GNAQ: variants seen among roughly 807,000 people sequenced by gnomAD.
The protein encoded by GNAQ is guanine nucleotide-binding protein G(q) subunit alpha.
In GNAQ, 8 loss-of-function variants were observed where a neutral mutation model predicts 43.9. The observed-to-expected ratio is 0.18, with a 90% CI of 0.11 to 0.33. The LOEUF is 0.33. GNAQ is among the 10% of genes least tolerant of loss of function. The pLI is 1.00. For synonymous variants in GNAQ, 155 were observed against 170.7 expected, an observed-to-expected ratio of 0.91 and a Z score of 0.71; for missense variants, 158 against 450.8, an observed-to-expected ratio of 0.35 and a Z score of 5.88.
At chr9:77,919,047 G>A (rs1828957911) in intron 2 of GNAQ, among the ~76,000 whole-genome samples, 1 of 152,118 alleles carries the variant, frequency 6.6e-6, no homozygotes, top group African/African-American at 2.4e-5. Flanking sequence ...AGCCTCCCAA[G>A]TAGCTGGGAT....
At chr9:77,906,389 C>T (rs1828709116) in intron 2 of GNAQ, among the ~76,000 whole-genome samples, 1 of 152,150 alleles carries the variant, frequency 6.6e-6, no homozygotes, top group South Asian at 2.1e-4. Context: ...AGTTCAGATG[C>T]CACACAGTAA....
intron 1 of GNAQ, among the ~76,000 whole-genome samples, chr9:77,991,569 ATC>A (rs1003085893): frequency 6.6e-6 from 1 of 152,030 alleles, no homozygotes; most frequent in Non-Finnish European, 1.5e-5. Context: ...CTTCTTAAAA[ATC>A]TTTTTTTAAT....
chr9:77,748,021 GA>G (rs1206788960), intron 5 of GNAQ, among the ~76,000 whole-genome samples: 1 of 152,184 alleles, frequency 6.6e-6, no homozygotes, highest in Non-Finnish European at 1.5e-5. Flanking sequence ...GTGGCATAGA[GA>G]GGGGTGGTCA....
chr9:77,994,064 T>G (rs1408456676), intron 1 of GNAQ, among the ~76,000 whole-genome samples: 4 of 152,202 alleles, frequency 2.6e-5, no homozygotes, highest in Middle Eastern at 3.2e-3. Context: ...TTGCCCAGGC[T>G]GGAGTGTAGT....
At chr9:77,759,836 T>C (rs1330205077) in intron 5 of GNAQ, among the ~76,000 whole-genome samples, 1 of 152,100 alleles carries the variant, frequency 6.6e-6, no homozygotes, top group African/African-American at 2.4e-5. Flanking sequence ...ATCACTGGAG[T>C]AGACTACAGT....
chr9:77,935,344 C>A (rs1454443676), intron 1 of GNAQ, among the ~76,000 whole-genome samples: 2 of 152,228 alleles, frequency 1.3e-5, no homozygotes, highest in African/African-American at 4.8e-5. Context: ...AGCAAGGACT[C>A]TTGAAAGTAT....
At chr9:77,863,089 G>A (rs1827881476) in intron 2 of GNAQ, among the ~76,000 whole-genome samples, 1 of 152,082 alleles carries the variant, frequency 6.6e-6, no homozygotes, top group Non-Finnish European at 1.5e-5. Context: ...CAGGAGAATT[G>A]CTTGAACCCG....
In GNAQ at chr9:77,815,765, A is replaced by G; in HGVS notation, c.327T>C (p.His109=). Reference sequence around the variant, plus strand: ...CATCAACTTCTCGAACTAATTGTGCATGAGCCTGTTTAAATAAAAAAAGGC... The same window carrying G: ...CATCAACTTCTCGAACTAATTGTGCGTGAGCCTGTTTAAATAAAAAAAGGC... The part of the protein sequence containing the change: ...IPYKYEHNKA[H]AQLVREVDVE... Residue 109 remains histidine, a synonymous_variant, in exon 3 of 7, where the codon CAT becomes CAC. Transcript: ENST00000286548. 1 of 1,609,810 alleles carries G rather than the reference A, an allele frequency of 6.2e-7. No homozygotes were observed.
chr9:77,866,126 C>G lies in GNAQ; in HGVS notation c.322-50356G>C, dbSNP rs75285240. Among the ~76,000 whole-genome samples, 1,355 of 152,282 alleles carry G rather than the reference C, an allele frequency of 8.9e-3. 15 individuals are homozygous for G. Among genetic ancestry groups the G allele is most frequent in the Middle Eastern group, 0.034 (10 of 294 alleles). ...AAGAAGCAACCATACTTGATGAATT[C>G]TGCTTCATAATATTTATCACTAGCT... On this transcript the variant is annotated intron_variant, in intron 2 of 6. Transcript: ENST00000286548.
At chr9:77,757,992 A>C (rs1333898614) in intron 5 of GNAQ, among the ~76,000 whole-genome samples, 1 of 152,240 alleles carries the variant, frequency 6.6e-6, no homozygotes, top group South Asian at 2.1e-4. Flanking sequence ...TCTAACAGGT[A>C]CATCAGTCAT....
Position 78,031,432 on chromosome 9 carries a change from G to C in GNAQ, c.-197C>G, listed in dbSNP as rs1824059128. On this transcript the variant is annotated 5_prime_UTR_variant, in exon 1 of 7. Transcript: ENST00000286548. ...GGGCCACCAGGTGGGCCGGGGGCGC[G>C]GTGGGAGCGGATAGTCTGGGCCGAC... The C allele has an allele frequency of 4.4e-6, 1 of 226,448 alleles. No individual in the cohort carries two copies. Among genetic ancestry groups the C allele is most frequent in the Non-Finnish European group, 8.6e-6 (1 of 116,488 alleles). 14.0% of individuals were successfully genotyped at this position (226,448 alleles called of 1,614,324 possible). A position where few individuals can be genotyped will look rare whatever the true frequency, so the allele number is the denominator to read the frequency against.
At chr9:78,030,340 T>C (rs1490389893) in intron 1 of GNAQ, among the ~76,000 whole-genome samples, 1 of 152,108 alleles carries the variant, frequency 6.6e-6, no homozygotes, top group East Asian at 1.9e-4. Context: ...GAAGGAATGG[T>C]GCAGACGAGA....
intron 2 of GNAQ, among the ~76,000 whole-genome samples, chr9:77,855,482 A>G (rs1417501948): frequency 6.6e-6 from 1 of 152,162 alleles, no homozygotes; most frequent in African/African-American, 2.4e-5. Flanking sequence ...TTTGCATGGT[A>G]TATCTATATT....
chr9:77,894,130 T>C lies in GNAQ; in HGVS notation c.321+28031A>G, dbSNP rs577300846. ...AACAAAGCTAGCATTCCAATCGAGA[T>C]GTCTGGTTTGTAAACTCTTCTTTCC... On this transcript the variant is annotated intron_variant, in intron 2 of 6. Transcript: ENST00000286548. 5.3e-5 allele frequency among the ~76,000 whole-genome samples: 8 copies of C among 151,796 alleles called. No individual in the cohort carries two copies. The South Asian group carries it at 1.7e-3, about 31-fold the overall frequency.
intron 1 of GNAQ, among the ~76,000 whole-genome samples, chr9:77,987,940 G>A (rs962676429): frequency 1.3e-5 from 2 of 152,196 alleles, no homozygotes; most frequent in Non-Finnish European, 2.9e-5. Flanking sequence ...TGAGTAGGGG[G>A]TGGTGTTGTG....
At chr9:77,860,532 T>G (rs975033585) in intron 2 of GNAQ, among the ~76,000 whole-genome samples, 1 of 152,188 alleles carries the variant, frequency 6.6e-6, no homozygotes, top group African/African-American at 2.4e-5. Flanking sequence ...ATTAGTTATA[T>G]TCTCATAAGG....
intron 2 of GNAQ, among the ~76,000 whole-genome samples, chr9:77,868,148 T>C (rs1405400406): frequency 1.3e-5 from 2 of 152,216 alleles, no homozygotes; most frequent in South Asian, 2.1e-4. Flanking sequence ...GCATATAGCA[T>C]ATGAATATAG....
intron 2 of GNAQ, among the ~76,000 whole-genome samples, chr9:77,834,135 T>G (rs1016660673): frequency 1.1e-4 from 16 of 152,238 alleles, no homozygotes; most frequent in Non-Finnish European, 5.9e-5. Context: ...AATGATTTAG[T>G]GTCACACTAC....
chr9:77,868,150 T>C (rs1216695854), intron 2 of GNAQ, among the ~76,000 whole-genome samples: 2 of 152,224 alleles, frequency 1.3e-5, no homozygotes, highest in African/African-American at 2.4e-5. Flanking sequence ...ATATAGCATA[T>C]GAATATAGTA....
Sources: allele counts gnomAD v4.1 joint callset (sites outside exome capture counted in the v4.1 genomes callset), GRCh38; gene constraint gnomAD v4.1.1; transcripts MANE v1.5; gene names NCBI Gene and HGNC (gene_info 2026-07-23, HGNC 2026-07-21).